PLEK2: variants seen among roughly 807,000 people sequenced by gnomAD.
PLEK2 encodes the protein pleckstrin 2.
A neutral mutation model predicts 43.8 loss-of-function variants in PLEK2; 29 were observed. That is an observed-to-expected ratio of 0.66 (90% CI 0.49 to 0.90). PLEK2 has a LOEUF of 0.90. PLEK2 is among the 40% of genes least tolerant of loss of function. PLEK2 has a pLI of 0.00. For synonymous variants in PLEK2, 162 were observed against 173.2 expected, an observed-to-expected ratio of 0.94 and a Z score of 0.51; for missense variants, 398 against 448.1, an observed-to-expected ratio of 0.89 and a Z score of 1.01.
At chr14:67,407,193 C>T (rs2086084494) in intron 1 of PLEK2, among the ~76,000 whole-genome samples, 3 of 152,100 alleles carry the variant, frequency 2.0e-5, no homozygotes, top group Admixed American at 1.3e-4. Context: ...GCGATCTCAG[C>T]TCACTGCAAC....
intron 1 of PLEK2, among the ~76,000 whole-genome samples, chr14:67,409,319 G>GGATCACTT (rs1287911362): frequency 7.9e-5 from 12 of 151,958 alleles, no homozygotes; most frequent in Admixed American, 7.9e-4. Context: ...CAAGGCCAGG[G>GGATCACTT]GATCACTTGA....
At position 67,412,053 on chromosome 14, in the gene PLEK2, C is replaced by T. The variant is rs747166190; in HGVS notation, c.7G>A (p.Asp3Asn). 3.2e-6 allele frequency: 5 copies of T among 1,552,436 alleles called. No individual in the cohort carries two copies. The African/African-American group carries it at 4.3e-5, about 13-fold the overall frequency. Residue 3 changes from aspartate (D) to asparagine (N), a missense_variant, in exon 1 of 9, where the codon GAC becomes AAC. Physicochemically the swap from Asp to Asn is conservative, Grantham distance 23. Coordinates refer to ENST00000216446, the MANE Select transcript of PLEK2 (RefSeq NM_016445.3). ME[D>N]GVLKEGFLVK... The stretch of plus-strand genomic sequence containing the variant: ...AGGAAGCCCTCCTTGAGCACGCCGT[C>T]CTCCATGTCGCCGCCCGCACGCCAG...
At chr14:67,409,245 C>G (rs1444885523) in intron 1 of PLEK2, among the ~76,000 whole-genome samples, 1 of 151,358 alleles carries the variant, frequency 6.6e-6, no homozygotes, top group Non-Finnish European at 1.5e-5. Context: ...CCTCTCTAAA[C>G]AAAATAAATA....
Position 67,395,453 on chromosome 14 carries a change from T to G in PLEK2, c.338A>C (p.Gln113Pro). 1 of 1,614,060 alleles carries G rather than the reference T, an allele frequency of 6.2e-7. No homozygotes were observed. The highest frequency in any genetic ancestry group is 8.5e-7 in the Non-Finnish European group (1 of 1,179,918). Residue 113 changes from glutamine (Q) to proline (P), a missense_variant, in exon 3 of 9, where the codon CAG (glutamine) becomes CCG (proline). By Grantham distance (76) the Gln-to-Pro change is moderately conservative. Transcript: ENST00000216446. ...GAAGGAGTTTCTCAGGCTGTGCAGC[T>G]GCTGGACCTTCCCCGGCTGCCCTGC... is the stretch of plus-strand genomic sequence containing the variant. Reference protein sequence around the residue: ...IHAGQPGKVQQLHSLRNSFKL... With the variant: ...IHAGQPGKVQPLHSLRNSFKL...
intron 1 of PLEK2, among the ~76,000 whole-genome samples, chr14:67,400,322 A>T (rs2086039353): frequency 2.0e-5 from 3 of 152,328 alleles, no homozygotes; most frequent in Middle Eastern, 3.4e-3. Flanking sequence ...GTCCAGTGGA[A>T]TTGCACATTT....
intron 1 of PLEK2, 63 bp from the exon 2 acceptor site, chr14:67,397,889 G>A: frequency 7.2e-7 from 1 of 1,379,932 alleles, no homozygotes; most frequent in Non-Finnish European, 9.9e-7. Flanking sequence ...TGTTCAGGGA[G>A]GGGGTGTCTG....
chr14:67,388,294 G>C lies in PLEK2; in HGVS notation c.864C>G (p.Asn288Lys). Residue 288 changes from asparagine to lysine, a missense_variant, in exon 8 of 9, where the codon AAC (asparagine) becomes AAG (lysine). Coordinates refer to ENST00000216446, the MANE Select transcript of PLEK2 (RefSeq NM_016445.3). The part of the protein sequence containing the change: ...LHYYDPSKEE[N>K]RPVGGFSLRG... ...GAAGAGAAAACCCACCCACTGGCCT[G>C]TTCTCTTCCTGTAGAGGAAAGGAGA... 3 of 1,609,924 alleles carry C rather than the reference G, an allele frequency of 1.9e-6. No individual in the cohort carries two copies. The highest frequency in any genetic ancestry group is 2.2e-5 in the South Asian group (2 of 90,974).
chr14:67,392,905 G>A (rs1243849591), intron 4 of PLEK2, 56 bp from the exon 5 acceptor site: 1 of 1,442,754 alleles, frequency 6.9e-7, no homozygotes. Flanking sequence ...TCCTTGGGGT[G>A]TGTGGCCAAT....
rs1566632468 is a variant in PLEK2, at chr14:67,408,344, TAAAATAAAATAA to T, written c.42+3662_42+3673del. Among the ~76,000 whole-genome samples, 7 of 138,000 alleles carry T rather than the reference TAAAATAAAATAA, an allele frequency of 5.1e-5. No individual in the cohort carries two copies. The East Asian group carries it at 1.8e-3, about 36-fold the overall frequency. 90.5% of individuals were successfully genotyped at this position (138,000 alleles called of 152,430 possible). ...TAAAATAAAATAAAATAAAATAAAA[TAAAATAAAATAA>T]AAAAAGAAAAAACAAAGATGGGATG... On this transcript the variant is annotated intron_variant, in intron 1 of 8. Transcript: ENST00000216446.
intron 1 of PLEK2, among the ~76,000 whole-genome samples, chr14:67,406,231 C>A (rs893730405): frequency 1.3e-5 from 2 of 149,072 alleles, no homozygotes; most frequent in Admixed American, 6.7e-5. Context: ...TGCACTCCAG[C>A]CTCGGTGAAA....
chr14:67,410,025 T>C (rs967202135), intron 1 of PLEK2, among the ~76,000 whole-genome samples: 1 of 152,106 alleles, frequency 6.6e-6, no homozygotes, highest in Non-Finnish European at 1.5e-5. Flanking sequence ...CTGGCTGGAA[T>C]GAGCTCTAGG....
At chr14:67,391,271 ATGTGTGTGTGTG>A (rs61156733) in intron 6 of PLEK2, among the ~76,000 whole-genome samples, 12 of 143,910 alleles carry the variant, frequency 8.3e-5, no homozygotes, top group Admixed American at 5.5e-4. Context: ...AGCAGCTGAT[ATGTGTGTGTGTG>A]TGTGTGTGTG....
chr14:67,392,627 C>T, intron 5 of PLEK2, 35 bp downstream of exon 5: 2 of 1,576,484 alleles, frequency 1.3e-6, no homozygotes, highest in Non-Finnish European at 1.7e-6. Flanking sequence ...TTAACTTTTG[C>T]CCTGGTGGCA....
chr14:67,395,699 A>T, intron 2 of PLEK2, 116 bp from the exon 3 acceptor site: 1 of 738,378 alleles, frequency 1.4e-6, no homozygotes, highest in Admixed American at 2.5e-5. Context: ...AAATGCCCTG[A>T]GCCCTCGGCC....
intron 1 of PLEK2, among the ~76,000 whole-genome samples, chr14:67,410,914 G>C (rs1166908379): frequency 6.6e-6 from 1 of 152,146 alleles, no homozygotes. Context: ...GGGAGGCTAA[G>C]GTGGGCAGAT....
In PLEK2 at chr14:67,392,362, A is replaced by G. The variant is rs1324536841; in HGVS notation, c.735T>C (p.Ser245=). ...EEISLSTVEL[S]GTVVKQGYLA... is the part of the protein sequence containing the mutation. ...GGTAGCCTTGTTTCACCACCGTGCC[A>G]CTTAACTCCACAGTGCTCAGGCTAA... is the stretch of plus-strand genomic sequence containing the variant. Residue 245 remains serine, a synonymous_variant, in exon 6 of 9, where the codon AGT becomes AGC. Transcript: ENST00000216446. 1.9e-6 allele frequency: 3 copies of G among 1,613,352 alleles called. No individual in the cohort carries two copies. In the African/African-American group the frequency reaches 4.0e-5, roughly 22 times the overall value.
chr14:67,395,330 G>C (rs1415401254), intron 3 of PLEK2, 72 bp downstream of exon 3: 1 of 1,372,648 alleles, frequency 7.3e-7, no homozygotes, highest in African/African-American at 1.4e-5. Flanking sequence ...GCCCCCCCAA[G>C]GGGCAGGGTC....
In PLEK2 at chr14:67,393,151, G is replaced by A. The variant is rs113884366; in HGVS notation, c.480C>T (p.Leu160=). 4.8e-5 allele frequency: 77 copies of A among 1,608,492 alleles called. No individual in the cohort carries two copies. Among genetic ancestry groups the A allele is most frequent in the Non-Finnish European group, 6.0e-5 (70 of 1,174,924 alleles). ...CCCGGCCCTGGGGGACAGGCTCACC[G>A]AGGAAGGTCTTTTTATAGGTGCTTC... ...EQGSTYKKTF[L]GSSLVDWLIS... is the part of the protein sequence containing the mutation. Residue 160 remains leucine, a splice_region_variant and synonymous_variant, in exon 4 of 9, where the codon CTC becomes CTT. Coordinates refer to ENST00000216446, the MANE Select transcript of PLEK2 (RefSeq NM_016445.3).
At chr14:67,397,421 A>G (rs912625723) in intron 2 of PLEK2, among the ~76,000 whole-genome samples, 4 of 152,198 alleles carry the variant, frequency 2.6e-5, no homozygotes, top group Admixed American at 6.5e-5. Context: ...CACCACAACC[A>G]TGTGAGACAC....
Sources: gnomAD v4.1 joint callset for allele counts (sites outside exome capture counted in the v4.1 genomes callset) on GRCh38, gnomAD v4.1.1 for gene constraint, MANE v1.5 for transcripts, NCBI Gene and HGNC (gene_info 2026-07-23, HGNC 2026-07-21) for gene names.